Variants in PDE4D observed in about 807,000 individuals in gnomAD.
The protein encoded by PDE4D is 3',5'-cyclic-AMP phosphodiesterase 4D.
In PDE4D, 24 loss-of-function variants were observed where a neutral mutation model predicts 87.4. That is an observed-to-expected ratio of 0.27 (90% CI 0.20 to 0.39). PDE4D has a LOEUF of 0.39. Among genes scored for constraint, PDE4D ranks in the 10% least tolerant of loss-of-function variants. The probability of loss-of-function intolerance (pLI) is 1.00; values close to 1 mark genes in which losing one functional copy is unlikely to be tolerated. For synonymous variants in PDE4D, 384 were observed against 383.2 expected (o/e 1.00, Z -0.02); for missense variants, 714 against 1,041.0 (o/e 0.69, Z 4.32).
chr5:59,520,303 G>A (rs541810476), intron 1 of PDE4D, among the ~76,000 whole-genome samples: 25 of 152,100 alleles, frequency 1.6e-4, no homozygotes, highest in Non-Finnish European at 3.4e-4. Context: ...CCATTTATGG[G>A]GATGGGGCTG....
At chr5:60,051,517 C>G (rs1582395670) in intron 2 of PDE4D, among the ~76,000 whole-genome samples, 1 of 152,154 alleles carries the variant, frequency 6.6e-6, no homozygotes, top group African/African-American at 2.4e-5. Context: ...GTACCAGAAT[C>G]TCTAGGACAC....
intron 1 of PDE4D, among the ~76,000 whole-genome samples, chr5:59,289,330 C>T (rs1190276252): frequency 6.6e-6 from 1 of 151,544 alleles, no homozygotes; most frequent in Non-Finnish European, 1.5e-5. Flanking sequence ...CTGGTAATCG[C>T]AAATCAAAAA....
chr5:60,160,870 C>A, intron 2 of PDE4D: 1 of 428,482 alleles, frequency 2.3e-6, no homozygotes, highest in Non-Finnish European at 4.6e-6. Flanking sequence ...TTATAAAAGA[C>A]TGATTTGAAG....
intron 1 of PDE4D, among the ~76,000 whole-genome samples, chr5:59,648,090 T>C (rs1208460336): frequency 6.6e-6 from 1 of 152,106 alleles, no homozygotes; most frequent in Admixed American, 6.5e-5. Flanking sequence ...GAACTGCTAA[T>C]AGAGTGAAAC....
chr5:59,459,297 G>A (rs1319536754), intron 1 of PDE4D, among the ~76,000 whole-genome samples: 1 of 152,080 alleles, frequency 6.6e-6, no homozygotes, highest in South Asian at 2.1e-4. Context: ...TCTGAGAGGC[G>A]AAATATTCTT....
At chr5:60,256,822 T>G (rs1452705009) in intron 1 of PDE4D, among the ~76,000 whole-genome samples, 1 of 151,960 alleles carries the variant, frequency 6.6e-6, no homozygotes, top group Non-Finnish European at 1.5e-5. Flanking sequence ...AGAATGTATG[T>G]GCAAACATAC....
chr5:59,408,917 C>T (rs1003546085), intron 1 of PDE4D, among the ~76,000 whole-genome samples: 1 of 152,112 alleles, frequency 6.6e-6, no homozygotes, highest in Non-Finnish European at 1.5e-5. Context: ...GCGGCTGAGA[C>T]AGGTGAATCA....
At chr5:60,447,705 ACT>A (rs1745756778) in intron 1 of PDE4D, among the ~76,000 whole-genome samples, 1 of 151,992 alleles carries the variant, frequency 6.6e-6, no homozygotes, top group African/African-American at 2.4e-5. Context: ...AATATTTGCC[ACT>A]CTGTTTTATT....
chr5:59,486,649 C>T (rs989490569), intron 1 of PDE4D, among the ~76,000 whole-genome samples: 13 of 152,106 alleles, frequency 8.5e-5, no homozygotes, highest in African/African-American at 2.4e-4. Flanking sequence ...TTAAATGACT[C>T]GCCAATGTCA....
intron 2 of PDE4D, among the ~76,000 whole-genome samples, chr5:60,173,119 T>G (rs1305755765): frequency 6.6e-6 from 1 of 152,124 alleles, no homozygotes; most frequent in East Asian, 1.9e-4. Context: ...AGGCACATGG[T>G]GTAACAGGTA....
At chr5:59,478,176 C>T (rs1803645934) in intron 1 of PDE4D, among the ~76,000 whole-genome samples, 1 of 151,986 alleles carries the variant, frequency 6.6e-6, no homozygotes, top group South Asian at 2.1e-4. Flanking sequence ...TGCACATGTG[C>T]CCCCTGTATC....
At chr5:59,520,588 A>G (rs1289461258) in intron 1 of PDE4D, among the ~76,000 whole-genome samples, 1 of 152,176 alleles carries the variant, frequency 6.6e-6, no homozygotes, top group Non-Finnish European at 1.5e-5. Context: ...CACGTGAAAG[A>G]AGTAGAACTA....
chr5:59,247,183 G>T (rs1759013374), intron 1 of PDE4D, among the ~76,000 whole-genome samples: 1 of 145,734 alleles, frequency 6.9e-6, no homozygotes, highest in Non-Finnish European at 1.5e-5. Flanking sequence ...AACTGTAAAG[G>T]AGTTGATTTA....
chr5:60,145,398 T>C lies in PDE4D; in HGVS notation c.42+40159A>G, dbSNP rs141227765. Among the ~76,000 whole-genome samples, 25 of 152,282 alleles carry C rather than the reference T, an allele frequency of 1.6e-4. 1 individual carries two copies. The East Asian group carries it at 4.8e-3, about 29-fold the overall frequency. Reference sequence around the variant, plus strand: ...TGTTTCCTGATTGCTGGGGGAGCTATGAGGAAGAGATTTTAATTACCAAAG... The same window carrying C: ...TGTTTCCTGATTGCTGGGGGAGCTACGAGGAAGAGATTTTAATTACCAAAG... On this transcript the variant is annotated intron_variant, in intron 2 of 16. Transcript: ENST00000502484.
At chr5:60,005,346 G>A (rs1423144944) in intron 2 of PDE4D, among the ~76,000 whole-genome samples, 2 of 152,068 alleles carry the variant, frequency 1.3e-5, no homozygotes, top group Admixed American at 6.6e-5. Flanking sequence ...CTAACTTTCA[G>A]TTATAAGACA....
intron 1 of PDE4D, among the ~76,000 whole-genome samples, chr5:59,403,129 A>ATAGGTAGGTAGGTAGGTAGGTAGG (rs151232838): frequency 0.057 from 8,196 of 143,918 alleles, 319 homozygotes; most frequent in Middle Eastern, 0.11. Flanking sequence ...TTGGTACATA[A>ATAGGTAGGTAGGTAGGTAGGTAGG]TAGGTAGGTA....
chr5:60,394,330 G>T (rs1762746639), intron 1 of PDE4D, among the ~76,000 whole-genome samples: 1 of 152,160 alleles, frequency 6.6e-6, no homozygotes, highest in Non-Finnish European at 1.5e-5. Flanking sequence ...AAATTATAGT[G>T]GCAGCTCTTG....
intron 1 of PDE4D, among the ~76,000 whole-genome samples, chr5:59,660,028 T>G (rs1471352750): frequency 1.3e-5 from 2 of 151,900 alleles, no homozygotes; most frequent in Non-Finnish European, 2.9e-5. Flanking sequence ...CTACTGAAAA[T>G]GCAAAAATTA....
chr5:59,784,492 C>T (rs901766492), intron 1 of PDE4D, among the ~76,000 whole-genome samples: 3 of 152,020 alleles, frequency 2.0e-5, no homozygotes, highest in South Asian at 2.1e-4. Context: ...TTCTCAAATC[C>T]GTATTGTATA....
Sources: allele counts gnomAD v4.1 joint callset (sites outside exome capture counted in the v4.1 genomes callset), GRCh38; gene constraint gnomAD v4.1.1; transcripts MANE v1.5; gene names NCBI Gene and HGNC (gene_info 2026-07-23, HGNC 2026-07-21).